SNX8: variants seen among roughly 807,000 people sequenced by gnomAD.
SNX8 encodes sorting nexin-8.
A neutral mutation model predicts 51.6 loss-of-function variants in SNX8; 25 were observed. That is an observed-to-expected ratio of 0.48 (90% CI 0.35 to 0.68). The LOEUF (loss-of-function observed/expected upper bound fraction) is 0.68, where lower values mean the gene tolerates loss of function less well. Ranked by LOEUF, SNX8 falls within the 30% of genes least tolerant of loss-of-function variation. The probability of loss-of-function intolerance (pLI) is 0.00; values close to 1 mark genes in which losing one functional copy is unlikely to be tolerated. For missense variants in SNX8, 695 were observed against 624.0 expected (o/e 1.11, Z -1.21); for synonymous variants, 324 against 277.0 (o/e 1.17, Z -1.68).
At chr7:2,288,063 C>CT (rs1254252571) in intron 1 of SNX8, 3 of 152,290 alleles carry the variant, frequency 2.0e-5, no homozygotes, top group Non-Finnish European at 4.4e-5. Flanking sequence ...CAGGTACTGG[C>CT]TGGGCAGAGT....
chr7:2,302,815 G>A (rs1177606539), intron 1 of SNX8, among the ~76,000 whole-genome samples: 1 of 151,380 alleles, frequency 6.6e-6, no homozygotes, highest in East Asian at 2.0e-4. Context: ...GAGGTGAGGA[G>A]CGTCTCTGCC....
chr7:2,311,852 G>A (rs1796663836), intron 1 of SNX8, among the ~76,000 whole-genome samples: 1 of 151,806 alleles, frequency 6.6e-6, no homozygotes, highest in Non-Finnish European at 1.5e-5. Flanking sequence ...CAGGAGAATG[G>A]CATGAACCCG....
rs1796718023 is a variant in SNX8 at position 2,314,344 on chromosome 7, C to G, written c.78G>C (p.Ala26=). The G allele has an allele frequency of 8.2e-7, 1 of 1,223,550 alleles. No individual in the cohort carries two copies. Among genetic ancestry groups the G allele is most frequent in the Admixed American group, 4.3e-5 (1 of 23,348 alleles). The allele number at this position is 1,223,550 out of a possible 1,614,324, so 75.8% of individuals were successfully genotyped here. ...AAAEAEADEE[A]DPPASDLPTP... is the part of the protein sequence containing the mutation. ...ACGCCCTACCTGACGCCGGGGGATC[C>G]GCCTCCTCGTCAGCCTCCGCCTCAG... The change falls in exon 1 of 11, where the codon GCG becomes GCC. Residue 26 remains alanine (A), a synonymous_variant. Coordinates refer to ENST00000222990, the MANE Select transcript of SNX8 (RefSeq NM_013321.4).
At position 2,321,576 on chromosome 7, in the gene SNX8, G is replaced by C. The variant is rs528516410; in HGVS notation, c.-66+32646C>G. On this transcript the variant is annotated intron_variant, in intron 1 of 5. Coordinates refer to the SNX8 transcript ENST00000435336. Reference sequence around the variant, plus strand: ...CAAGTAGCTGGAATAACAGGCGCCCGCCACTACGCCTGGCTAATTTTTTGT... The same window carrying C: ...CAAGTAGCTGGAATAACAGGCGCCCCCCACTACGCCTGGCTAATTTTTTGT... Among the ~76,000 whole-genome samples the C allele has an allele frequency of 8.6e-5, 13 of 151,688 alleles. No individual in the cohort carries two copies. In the South Asian group the frequency reaches 1.0e-3, roughly 12 times the overall value.
intron 1 of SNX8, among the ~76,000 whole-genome samples, chr7:2,313,251 C>T (rs371830912): frequency 1.3e-5 from 2 of 151,912 alleles, no homozygotes; most frequent in Non-Finnish European, 2.9e-5. Flanking sequence ...AGAGGCCAGG[C>T]GCGGTGGCTC....
At chr7:2,338,743 G>T (rs1370083452) in intron 1 of SNX8, among the ~76,000 whole-genome samples, 2 of 152,148 alleles carry the variant, frequency 1.3e-5, no homozygotes, top group African/African-American at 2.4e-5. Flanking sequence ...ACTAACAAGA[G>T]AATTCAGCAG....
At chr7:2,266,404 T>G (rs1334911363) in intron 5 of SNX8, among the ~76,000 whole-genome samples, 2 of 151,970 alleles carry the variant, frequency 1.3e-5, no homozygotes, top group African/African-American at 4.8e-5. Flanking sequence ...TGGAGTGCAG[T>G]GGCGCAATCT....
chr7:2,282,621 A>G (rs1197189272), intron 1 of SNX8, among the ~76,000 whole-genome samples: 2 of 152,178 alleles, frequency 1.3e-5, no homozygotes, highest in Non-Finnish European at 2.9e-5. Context: ...GCAGGTGAGC[A>G]CTACATTCTT....
At chr7:2,323,088 G>C (rs1177653081) in intron 1 of SNX8, among the ~76,000 whole-genome samples, 1 of 152,108 alleles carries the variant, frequency 6.6e-6, no homozygotes, top group Admixed American at 6.6e-5. Context: ...CCAGCACTTT[G>C]GGAGGCCAAG....
intron 1 of SNX8, among the ~76,000 whole-genome samples, chr7:2,346,452 A>C (rs1430693745): frequency 2.0e-5 from 3 of 151,236 alleles, no homozygotes; most frequent in Non-Finnish European, 4.4e-5. Context: ...AAAACGAAAA[A>C]AAAAAGGTGA....
chr7:2,352,208 G>A (rs371442708), intron 1 of SNX8, among the ~76,000 whole-genome samples: 1 of 151,850 alleles, frequency 6.6e-6, no homozygotes, highest in African/African-American at 2.4e-5. Context: ...CACCATGCCC[G>A]GCCATAATTT....
intron 3 of SNX8, among the ~76,000 whole-genome samples, chr7:2,274,353 C>T (rs762802520): frequency 1.3e-5 from 2 of 152,244 alleles, no homozygotes; most frequent in Non-Finnish European, 2.9e-5. Context: ...GTCCAGGACA[C>T]GGTGACTGTG....
At chr7:2,347,723 G>A (rs1290734477) in intron 1 of SNX8, among the ~76,000 whole-genome samples, 1 of 149,432 alleles carries the variant, frequency 6.7e-6, no homozygotes, top group East Asian at 2.0e-4. Flanking sequence ...TCGGCTCACT[G>A]CAACCTCCAC....
At chr7:2,263,176 C>T in intron 7 of SNX8, 54 bp downstream of exon 7, 5 of 1,587,942 alleles carry the variant, frequency 3.1e-6, no homozygotes, top group Non-Finnish European at 4.3e-6. Context: ...ACTCCCCATG[C>T]AAAGGCATAG....
At chr7:2,288,455 A>C (rs1166775504) in intron 1 of SNX8, 1 of 166,572 alleles carries the variant, frequency 6.0e-6, no homozygotes, top group African/African-American at 2.4e-5. Flanking sequence ...TATTAAATTT[A>C]CAGTGAAAAT....
chr7:2,342,298 A>C (rs1778945868), intron 1 of SNX8, among the ~76,000 whole-genome samples: 1 of 152,168 alleles, frequency 6.6e-6, no homozygotes, highest in South Asian at 2.1e-4. Context: ...CGCAAGATGG[A>C]TAAATCTCAA....
rs370740790 is a variant in SNX8, at chr7:2,275,246, G to A, written c.301-17C>T. The A allele has an allele frequency of 5.8e-6, 9 of 1,559,786 alleles. No homozygotes were observed. Among genetic ancestry groups the A allele is most frequent in the South Asian group, 3.3e-5 (3 of 90,000 alleles). ...CTTGAAGCGCTGCAAGAGAAGGGTC[G>A]GTGCTTAGATCCGACGTTGGAAACT... On this transcript the variant is annotated splice_polypyrimidine_tract_variant and intron_variant, in intron 2 of 10. Coordinates refer to ENST00000222990, the MANE Select transcript of SNX8 (RefSeq NM_013321.4).
intron 3 of SNX8, among the ~76,000 whole-genome samples, chr7:2,272,377 CT>C (rs796551153): frequency 0.019 from 2,778 of 143,754 alleles, 71 homozygotes; most frequent in African/African-American, 0.059. Context: ...GTCTTCTTTT[CT>C]TTTTTTTTTT....
chr7:2,345,942 G>C (rs1244935285), intron 1 of SNX8, among the ~76,000 whole-genome samples: 1 of 151,864 alleles, frequency 6.6e-6, no homozygotes, highest in African/African-American at 2.4e-5. Context: ...CGAGTAGCTG[G>C]GATTATAGGC....
Sources: gnomAD v4.1 joint callset for allele counts (sites outside exome capture counted in the v4.1 genomes callset) on GRCh38, gnomAD v4.1.1 for gene constraint, MANE v1.5 for transcripts, NCBI Gene and HGNC (gene_info 2026-07-23, HGNC 2026-07-21) for gene names.